CCBE1: variants seen among roughly 807,000 people sequenced by gnomAD.
CCBE1 encodes the protein collagen and calcium-binding EGF domain-containing protein 1.
A neutral mutation model predicts 50.0 loss-of-function variants in CCBE1; 37 were observed. The ratio of observed to expected loss-of-function variants is 0.74; its 90% CI spans 0.57 to 0.97. CCBE1 has a LOEUF of 0.97. Among genes scored for constraint, CCBE1 ranks in the 50% least tolerant of loss-of-function variants. CCBE1 has a pLI of 0.00. For synonymous variants in CCBE1, 234 were observed against 203.7 expected, an observed-to-expected ratio of 1.15 and a Z score of -1.27; for missense variants, 538 against 523.8, an observed-to-expected ratio of 1.03 and a Z score of -0.26.
chr18:59,439,569 C>T lies in CCBE1; in HGVS notation c.925G>A (p.Gly309Arg). The T allele has an allele frequency of 6.2e-7, 1 of 1,614,250 alleles. No individual in the cohort carries two copies. The highest frequency in any genetic ancestry group is 8.5e-7 in the Non-Finnish European group (1 of 1,180,044). Residue 309 changes from glycine (G) to arginine (R), a missense_variant, in exon 9 of 11, where the codon GGG becomes AGG. By Grantham distance (125) the Gly-to-Arg change is moderately radical (BLOSUM62 -2). Transcript: ENST00000439986. ...TTAGAACCATCTCTTCCTGGTGCCC[C>T]TGGTGGACCCTGTAATACAAAAGGA... Reference protein sequence around the residue: ...QGRRGPVGPPGAPGRDGSKGE... With the variant: ...QGRRGPVGPPRAPGRDGSKGE...
At chr18:59,675,308 T>C (rs1463408461) in intron 2 of CCBE1, among the ~76,000 whole-genome samples, 1 of 152,184 alleles carries the variant, frequency 6.6e-6, no homozygotes, top group African/African-American at 2.4e-5. Flanking sequence ...GTACCAACCA[T>C]GGTACTAAAT....
chr18:59,439,824 C>G lies in CCBE1; in HGVS notation c.776-8G>C, dbSNP rs771715007. On this transcript the variant is annotated splice_polypyrimidine_tract_variant and splice_region_variant and intron_variant, in intron 7 of 10. Coordinates refer to ENST00000439986, the MANE Select transcript of CCBE1 (RefSeq NM_133459.4). ...CCTTTGGTCCTGGTGAGCCTGTAAT[C>G]AAAGAACACCTCATTAGCTCACAGC... The G allele has an allele frequency of 1.2e-6, 2 of 1,613,248 alleles. No homozygotes were observed. The highest frequency in any genetic ancestry group is 1.7e-6 in the Non-Finnish European group (2 of 1,179,952).
rs1474931800 is a variant in CCBE1 at position 59,434,441 on chromosome 18, C to T, written c.*1467G>A. 1.3e-5 allele frequency: 2 copies of T among 152,132 alleles called. No individual in the cohort carries two copies. Among genetic ancestry groups the T allele is most frequent in the South Asian group, 2.1e-4 (1 of 4,824 alleles). The allele number at this position is 152,132 out of a possible 1,614,324, so 9.4% of individuals were successfully genotyped here. A position where few individuals can be genotyped will look rare whatever the true frequency, so the allele number is the denominator to read the frequency against. On this transcript the variant is annotated 3_prime_UTR_variant, in exon 11 of 11. Coordinates refer to ENST00000439986, the MANE Select transcript of CCBE1 (RefSeq NM_133459.4). ...TAACCTATAAGCTGCTCATTGGAAA[C>T]AAGAGGGCCCTCAACAACGTTACAA...
At position 59,517,199 on chromosome 18, in the gene CCBE1, A is replaced by T. The variant is rs1278971243; in HGVS notation, c.213-36961T>A. Among the ~76,000 whole-genome samples, 4 of 152,340 alleles carry T rather than the reference A, an allele frequency of 2.6e-5. No individual in the cohort carries two copies. The East Asian group carries it at 7.7e-4, about 29-fold the overall frequency. On this transcript the variant is annotated intron_variant, in intron 2 of 10. Transcript: ENST00000439986. ...TTTTTGAAAAATGGGTGTAGACAAC[A>T]TTGCTAAAGCCCTTTTGAGAAAAAG... is the stretch of plus-strand genomic sequence containing the variant.
chr18:59,511,085 G>A (rs1914112712), intron 2 of CCBE1, among the ~76,000 whole-genome samples: 2 of 152,326 alleles, frequency 1.3e-5, no homozygotes, highest in East Asian at 1.9e-4. Context: ...CCCTACCAGA[G>A]TCCTGTGTCT....
chr18:59,523,891 C>T (rs1236301525), intron 2 of CCBE1, among the ~76,000 whole-genome samples: 1 of 152,146 alleles, frequency 6.6e-6, no homozygotes. Flanking sequence ...ATGATAAGCC[C>T]TAAGATATTT....
At chr18:59,608,856 T>C (rs1259040837) in intron 2 of CCBE1, among the ~76,000 whole-genome samples, 2 of 152,212 alleles carry the variant, frequency 1.3e-5, no homozygotes, top group Admixed American at 6.5e-5. Context: ...CTATTGGGCC[T>C]GTCCAAATCT....
intron 2 of CCBE1, among the ~76,000 whole-genome samples, chr18:59,662,898 G>A (rs181671282): frequency 4.6e-5 from 7 of 152,120 alleles, no homozygotes; most frequent in Non-Finnish European, 8.8e-5. Context: ...GTTCAAGCCC[G>A]ACCTGGGCAA....
At chr18:59,562,795 G>T (rs530884122) in intron 2 of CCBE1, among the ~76,000 whole-genome samples, 61 of 152,258 alleles carry the variant, frequency 4.0e-4, no homozygotes, top group African/African-American at 1.4e-3. Context: ...CTTCATGCAG[G>T]GGGTGTGGAA....
chr18:59,646,513 G>C (rs1010418172), intron 2 of CCBE1, among the ~76,000 whole-genome samples: 2 of 152,200 alleles, frequency 1.3e-5, no homozygotes, highest in African/African-American at 4.8e-5. Flanking sequence ...GGTTGGGACA[G>C]AGCTTACAGC....
At chr18:59,549,749 CA>C (rs778502862) in intron 2 of CCBE1, among the ~76,000 whole-genome samples, 7 of 152,330 alleles carry the variant, frequency 4.6e-5, no homozygotes, top group Admixed American at 1.3e-4. Flanking sequence ...TTGTGGACAA[CA>C]AAGCACTTAT....
At chr18:59,615,390 T>G (rs2053623017) in intron 2 of CCBE1, among the ~76,000 whole-genome samples, 1 of 152,164 alleles carries the variant, frequency 6.6e-6, no homozygotes, top group Non-Finnish European at 1.5e-5. Flanking sequence ...ACCCACACAA[T>G]TCTTTCTGAA....
chr18:59,442,791 C>T (rs895840055), intron 7 of CCBE1, among the ~76,000 whole-genome samples: 4 of 152,170 alleles, frequency 2.6e-5, no homozygotes, highest in Admixed American at 2.6e-4. Context: ...GGGTTCCTGA[C>T]TCTGGTTTGA....
chr18:59,675,235 A>G (rs2054484307), intron 2 of CCBE1, among the ~76,000 whole-genome samples: 1 of 152,202 alleles, frequency 6.6e-6, no homozygotes, highest in Non-Finnish European at 1.5e-5. Context: ...GGTGTTCTCT[A>G]GTAATGTGCA....
At position 59,557,333 on chromosome 18, in the gene CCBE1, A is replaced by C. The variant is rs190468877; in HGVS notation, c.213-77095T>G. On this transcript the variant is annotated intron_variant, in intron 2 of 10. Transcript: ENST00000439986. ...CTGATTTGAGGGTCGGCACCCACACAACTGCATGAGCATCCCTCATCACTC... is the reference window on the plus strand; with the variant it reads ...CTGATTTGAGGGTCGGCACCCACACCACTGCATGAGCATCCCTCATCACTC... Among the ~76,000 whole-genome samples, 97 of 152,228 alleles carry C rather than the reference A, an allele frequency of 6.4e-4. 1 individual carries two copies. The highest frequency in any genetic ancestry group is 2.8e-3 in the Admixed American group (43 of 15,300).
At chr18:59,491,284 T>C (rs1286919707) in intron 2 of CCBE1, among the ~76,000 whole-genome samples, 1 of 152,166 alleles carries the variant, frequency 6.6e-6, no homozygotes, top group Non-Finnish European at 1.5e-5. Flanking sequence ...CCTCTCACCC[T>C]GTAAATTTTC....
intron 2 of CCBE1, among the ~76,000 whole-genome samples, chr18:59,583,834 C>T (rs2144517402): frequency 6.6e-6 from 1 of 152,166 alleles, no homozygotes; most frequent in Middle Eastern, 3.4e-3. Context: ...GATCTGTGTC[C>T]CTGTGCAAAT....
chr18:59,564,994 G>A (rs906802229), intron 2 of CCBE1, among the ~76,000 whole-genome samples: 1 of 152,236 alleles, frequency 6.6e-6, no homozygotes, highest in East Asian at 1.9e-4. Flanking sequence ...CGTGATCACT[G>A]CAACAGAACT....
At chr18:59,634,337 C>G (rs541567154) in intron 2 of CCBE1, among the ~76,000 whole-genome samples, 1 of 152,362 alleles carries the variant, frequency 6.6e-6, no homozygotes, top group East Asian at 1.9e-4. Context: ...CATCACAGAT[C>G]TGTGTCCACA....
Sources: gnomAD v4.1 joint callset for allele counts (sites outside exome capture counted in the v4.1 genomes callset) on GRCh38, gnomAD v4.1.1 for gene constraint, MANE v1.5 for transcripts, NCBI Gene and HGNC (gene_info 2026-07-23, HGNC 2026-07-21) for gene names.